BLVRA: variants seen among roughly 807,000 people sequenced by gnomAD.
BLVRA encodes the protein biliverdin reductase A.
BLVRA carries 22 observed loss-of-function variants against 32.8 expected under a neutral mutation model. That is an observed-to-expected ratio of 0.67 (90% CI 0.48 to 0.96). BLVRA has a LOEUF of 0.96. Among genes scored for constraint, BLVRA ranks in the 40% least tolerant of loss-of-function variants. The pLI is 0.00. For synonymous variants in BLVRA, 119 were observed against 141.3 expected (o/e 0.84, Z 1.12); for missense variants, 323 against 358.1 (o/e 0.90, Z 0.79).
intron 1 of BLVRA, chr7:43,767,458 C>A: frequency 6.7e-7 from 1 of 1,482,502 alleles, no homozygotes; most frequent in Non-Finnish European, 9.4e-7. Context: ...TATCTGGAGG[C>A]GCCCTTGGGA....
intron 5 of BLVRA, among the ~76,000 whole-genome samples, 177 bp downstream of exon 5, chr7:43,792,989 G>C (rs897716724): frequency 6.6e-6 from 1 of 152,132 alleles, no homozygotes; most frequent in African/African-American, 2.4e-5. Flanking sequence ...CAGAAGGATG[G>C]GTGGGAATTT....
At chr7:43,776,332 G>T (rs2095760937) in intron 2 of BLVRA, among the ~76,000 whole-genome samples, 2 of 152,122 alleles carry the variant, frequency 1.3e-5, no homozygotes, top group African/African-American at 4.8e-5. Context: ...AGAGATTCTG[G>T]TATGTTGTGT....
chr7:43,788,644 C>A (rs900719278), intron 3 of BLVRA, among the ~76,000 whole-genome samples: 1 of 152,068 alleles, frequency 6.6e-6, no homozygotes, highest in Non-Finnish European at 1.5e-5. Context: ...GAGTCTCACT[C>A]TGTCACCCAA....
chr7:43,772,064 G>A (rs2095755243), intron 2 of BLVRA, among the ~76,000 whole-genome samples: 1 of 152,258 alleles, frequency 6.6e-6, no homozygotes, highest in African/African-American at 2.4e-5. Flanking sequence ...CAGTGAGAAA[G>A]TTCCAGGTTG....
At chr7:43,800,615 G>A in intron 6 of BLVRA, 43 bp downstream of exon 6, 1 of 1,543,530 alleles carries the variant, frequency 6.5e-7, no homozygotes, top group Non-Finnish European at 8.9e-7. Context: ...GAGGTCCAAA[G>A]ACCAGCCAGA....
chr7:43,771,106 A>G, intron 1 of BLVRA, 32 bp from the exon 2 acceptor site: 2 of 1,610,182 alleles, frequency 1.2e-6, no homozygotes, highest in South Asian at 1.1e-5. Context: ...AGGTGCCACC[A>G]GGGACCTGAA....
At chr7:43,786,236 ATTG>A (rs2095777373) in intron 2 of BLVRA, among the ~76,000 whole-genome samples, 1 of 152,238 alleles carries the variant, frequency 6.6e-6, no homozygotes, top group Non-Finnish European at 1.5e-5. Context: ...TTGGGAATGG[ATTG>A]TTAATATCAG....
Position 43,788,038 on chromosome 7 carries a change from G to A in BLVRA, c.134+13G>A. 1 of 1,614,200 alleles carries A rather than the reference G, an allele frequency of 6.2e-7. No homozygotes were observed. The highest frequency in any genetic ancestry group is 1.1e-5 in the South Asian group (1 of 91,084). On this transcript the variant is annotated intron_variant, in intron 3 of 7. Transcript: ENST00000265523. ...GCTTCGTGTCGAGGTGGCTCACAAT[G>A]TCTTTGTGCTTCATAATTCATGGAA...
At chr7:43,785,000 C>A (rs1305646222) in intron 2 of BLVRA, among the ~76,000 whole-genome samples, 1 of 152,144 alleles carries the variant, frequency 6.6e-6, no homozygotes, top group Non-Finnish European at 1.5e-5. Flanking sequence ...GCCTGACACA[C>A]TGTGCAAGCC....
chr7:43,791,652 G>T, intron 4 of BLVRA: 2 of 372,524 alleles, frequency 5.4e-6, no homozygotes, highest in Non-Finnish European at 5.1e-6. Context: ...AAAACCCATC[G>T]AGAGTAGTTT....
chr7:43,782,214 T>A (rs369695388), intron 2 of BLVRA, among the ~76,000 whole-genome samples: 51 of 152,206 alleles, frequency 3.4e-4, no homozygotes, highest in African/African-American at 1.2e-3. Context: ...AATCTTCTAA[T>A]GCAATCCAGA....
At chr7:43,789,284 G>A (rs1753098174) in intron 3 of BLVRA, among the ~76,000 whole-genome samples, 1 of 152,174 alleles carries the variant, frequency 6.6e-6, no homozygotes, top group Non-Finnish European at 1.5e-5. Flanking sequence ...AGTAACAATT[G>A]TGATAGTCTA....
At chr7:43,796,976 A>G (rs1313110071) in intron 5 of BLVRA, among the ~76,000 whole-genome samples, 1 of 152,260 alleles carries the variant, frequency 6.6e-6, no homozygotes, top group East Asian at 1.9e-4. Flanking sequence ...TAATCCTTAT[A>G]GAAAATGCAA....
chr7:43,785,345 A>G (rs1563544239), intron 2 of BLVRA, among the ~76,000 whole-genome samples: 2 of 151,724 alleles, frequency 1.3e-5, no homozygotes, highest in African/African-American at 4.8e-5. Context: ...AAAAAAAAAA[A>G]AAGAAAAGAA....
intron 2 of BLVRA, among the ~76,000 whole-genome samples, chr7:43,784,189 T>C (rs1052593807): frequency 3.9e-5 from 6 of 152,190 alleles, no homozygotes; most frequent in South Asian, 2.1e-4. Context: ...ACCACCTCTA[T>C]AGGGCTATTT....
At chr7:43,765,313 G>A (rs1443390637) in intron 1 of BLVRA, among the ~76,000 whole-genome samples, 1 of 152,180 alleles carries the variant, frequency 6.6e-6, no homozygotes, top group Non-Finnish European at 1.5e-5. Flanking sequence ...GTGCAGTGGT[G>A]TGATCTCGGC....
At chr7:43,771,594 C>T (rs1467016205) in intron 2 of BLVRA, among the ~76,000 whole-genome samples, 1 of 152,230 alleles carries the variant, frequency 6.6e-6, no homozygotes, top group African/African-American at 2.4e-5. Flanking sequence ...CCCATCAGCC[C>T]CTTCCTCTGT....
intron 5 of BLVRA, among the ~76,000 whole-genome samples, chr7:43,798,417 A>G (rs1368294756): frequency 6.6e-6 from 1 of 152,058 alleles, no homozygotes; most frequent in Non-Finnish European, 1.5e-5. Context: ...ATCCATTCTC[A>G]TCACACTGTC....
intron 7 of BLVRA, among the ~76,000 whole-genome samples, chr7:43,804,671 T>C (rs1359793345): frequency 3.2e-4 from 48 of 152,172 alleles, no homozygotes; most frequent in Non-Finnish European, 1.5e-5. Flanking sequence ...AGCTTTAGCA[T>C]CCCATCACCC....
Sources: gnomAD v4.1 joint callset for allele counts (sites outside exome capture counted in the v4.1 genomes callset) on GRCh38, gnomAD v4.1.1 for gene constraint, MANE v1.5 for transcripts, NCBI Gene and HGNC (gene_info 2026-07-23, HGNC 2026-07-21) for gene names.